Variants in PHIP observed in about 807,000 individuals in gnomAD.
PHIP encodes the protein PH-interacting protein.
Under a neutral mutation model 236.8 loss-of-function variants are expected in PHIP, and 54 were observed. The observed-to-expected ratio is 0.23, with a 90% CI of 0.18 to 0.29. PHIP has a LOEUF of 0.29. Ranked by LOEUF, PHIP falls within the 10% of genes least tolerant of loss-of-function variation. PHIP has a pLI of 1.00. For missense variants in PHIP, 1,370 were observed against 2,190.8 expected (o/e 0.63, Z 7.48); for synonymous variants, 756 against 718.9 (o/e 1.05, Z -0.83).
intron 16 of PHIP, among the ~76,000 whole-genome samples, chr6:79,002,764 C>A (rs1017042825): frequency 5.9e-5 from 9 of 152,042 alleles, no homozygotes; most frequent in Non-Finnish European, 1.2e-4. Context: ...CAAATCTAGT[C>A]ATAAATCATT....
chr6:78,946,349 A>T, intron 37 of PHIP, 89 bp from the exon 38 acceptor site: 1 of 1,431,762 alleles, frequency 7.0e-7, no homozygotes. Flanking sequence ...CAATATTTGT[A>T]CTATTATGAA....
chr6:78,941,335 A>T lies in PHIP; in HGVS notation c.4829-5T>A, dbSNP rs761786860. On this transcript the variant is annotated splice_region_variant and splice_polypyrimidine_tract_variant and intron_variant, in intron 39 of 39. Transcript: ENST00000275034. ...GAGCGTTGTTCTTACAATCTCCTAA[A>T]AGGGAACAACAGTACACTTAATATA... 1 of 1,609,192 alleles carries T rather than the reference A, an allele frequency of 6.2e-7. No individual in the cohort carries two copies. The highest frequency in any genetic ancestry group is 8.5e-7 in the Non-Finnish European group (1 of 1,177,096).
chr6:78,944,772 C>T (rs1773708836), intron 39 of PHIP, among the ~76,000 whole-genome samples: 1 of 152,196 alleles, frequency 6.6e-6, no homozygotes, highest in African/African-American at 2.4e-5. Context: ...GGGCTGTCTG[C>T]TGCCAAGAAG....
At chr6:78,971,999 G>A (rs1239650495) in intron 24 of PHIP, among the ~76,000 whole-genome samples, 3 of 152,110 alleles carry the variant, frequency 2.0e-5, no homozygotes, top group African/African-American at 4.8e-5. Context: ...AAAGCAGCCG[G>A]GAAGCTCGAA....
intron 35 of PHIP, among the ~76,000 whole-genome samples, chr6:78,950,881 C>T (rs970281507): frequency 6.6e-6 from 1 of 151,666 alleles, no homozygotes; most frequent in African/African-American, 2.4e-5. Context: ...GTTGGCTTAC[C>T]TTTGGGTGAT....
chr6:79,056,177 T>C (rs1193828131), intron 6 of PHIP, among the ~76,000 whole-genome samples: 3 of 152,148 alleles, frequency 2.0e-5, no homozygotes, highest in African/African-American at 2.4e-5. Flanking sequence ...TGTGATAAAA[T>C]CAATAGTAGA....
At chr6:78,944,323 G>A (rs1773684095) in intron 39 of PHIP, among the ~76,000 whole-genome samples, 1 of 152,182 alleles carries the variant, frequency 6.6e-6, no homozygotes. Context: ...TTTTCTCTGT[G>A]TGTACGTACA....
intron 23 of PHIP, among the ~76,000 whole-genome samples, chr6:78,979,387 T>A (rs920515122): frequency 6.6e-6 from 1 of 152,092 alleles, no homozygotes; most frequent in African/African-American, 2.4e-5. Context: ...ATGCTATCAA[T>A]TTTATAAACA....
At chr6:78,971,655 A>G (rs1048930154) in intron 24 of PHIP, among the ~76,000 whole-genome samples, 17 of 152,076 alleles carry the variant, frequency 1.1e-4, no homozygotes, top group Middle Eastern at 3.2e-3. Flanking sequence ...CAGTGGGCGC[A>G]GGTCAGTGGG....
At chr6:79,008,322 A>C (rs934375270) in intron 15 of PHIP, among the ~76,000 whole-genome samples, 1 of 152,160 alleles carries the variant, frequency 6.6e-6, no homozygotes, top group Non-Finnish European at 1.5e-5. Context: ...GCTGGACCTG[A>C]CTTGATAAAA....
At chr6:78,977,948 T>G (rs1170678237) in intron 24 of PHIP, among the ~76,000 whole-genome samples, 1 of 152,156 alleles carries the variant, frequency 6.6e-6, no homozygotes, top group African/African-American at 2.4e-5. Flanking sequence ...AATTCCCAAT[T>G]TATTTATGGT....
At chr6:78,953,194 G>A (rs193194298) in intron 35 of PHIP, among the ~76,000 whole-genome samples, 1 of 152,024 alleles carries the variant, frequency 6.6e-6, no homozygotes, top group East Asian at 1.9e-4. Context: ...AACCACTGGG[G>A]GAAACATTCT....
At chr6:79,020,607 T>G (rs1771067094) in intron 9 of PHIP, among the ~76,000 whole-genome samples, 1 of 152,206 alleles carries the variant, frequency 6.6e-6, no homozygotes, top group South Asian at 2.1e-4. Flanking sequence ...TGAAACTCAT[T>G]ACAAAAATAT....
At chr6:78,981,810 C>T (rs1231362599) in intron 23 of PHIP, among the ~76,000 whole-genome samples, 1 of 152,002 alleles carries the variant, frequency 6.6e-6, no homozygotes, top group Admixed American at 6.6e-5. Flanking sequence ...CTACATTTAT[C>T]ATCACTGACA....
In PHIP at chr6:78,934,553, C is replaced by G. The variant is rs2127672038; in HGVS notation, c.*6140G>C. 6.6e-6 allele frequency among the ~76,000 whole-genome samples: 1 copy of G among 152,260 alleles called. No individual in the cohort carries two copies. Among genetic ancestry groups the G allele is most frequent in the South Asian group, 2.1e-4 (1 of 4,832 alleles). On this transcript the variant is annotated 3_prime_UTR_variant, in exon 40 of 40. Transcript: ENST00000275034. ...AGGGTTCAGAAAACCTCACACTTAACAACAATCAGGTCATGGCCGCAAGAC... is the reference window on the plus strand; with the variant it reads ...AGGGTTCAGAAAACCTCACACTTAAGAACAATCAGGTCATGGCCGCAAGAC...
intron 29 of PHIP, among the ~76,000 whole-genome samples, chr6:78,965,268 T>C (rs1407790040): frequency 6.6e-6 from 1 of 152,054 alleles, no homozygotes; most frequent in African/African-American, 2.4e-5. Flanking sequence ...TACTAAAAAG[T>C]TGGGGTGTGA....
At chr6:79,041,117 C>T (rs982799591) in intron 7 of PHIP, among the ~76,000 whole-genome samples, 1 of 152,096 alleles carries the variant, frequency 6.6e-6, no homozygotes, top group African/African-American at 2.4e-5. Context: ...GCCATATGTT[C>T]TCAGTCAAAA....
Position 78,951,235 on chromosome 6 carries a change from T to A in PHIP, c.4054-3460A>T, listed in dbSNP as rs185344847. 6.4e-4 allele frequency among the ~76,000 whole-genome samples: 97 copies of A among 152,294 alleles called. 1 individual carries two copies. The South Asian group carries it at 8.1e-3, about 13-fold the overall frequency. ...TTTGCAATATTTTGGTTAATGTAAA[T>A]TTTATTTATGTAGAATACTTAATTT... On this transcript the variant is annotated intron_variant, in intron 35 of 39. Transcript: ENST00000275034.
chr6:78,975,117 A>T, intron 24 of PHIP, among the ~76,000 whole-genome samples: 1 of 151,870 alleles, frequency 6.6e-6, no homozygotes, highest in East Asian at 1.9e-4. Flanking sequence ...TGATGCAAAA[A>T]TCCTCAATAA....
Sources: gnomAD v4.1 joint callset for allele counts (sites outside exome capture counted in the v4.1 genomes callset) on GRCh38, gnomAD v4.1.1 for gene constraint, MANE v1.5 for transcripts, NCBI Gene and HGNC (gene_info 2026-07-23, HGNC 2026-07-21) for gene names.